The following PTPRD variants were observed in gnomAD, a reference collection of about 807,000 sequenced individuals.
The protein encoded by PTPRD is receptor-type tyrosine-protein phosphatase delta.
PTPRD carries 34 observed loss-of-function variants against 214.5 expected under a neutral mutation model. That is an observed-to-expected ratio of 0.16 (90% CI 0.12 to 0.21). The LOEUF is 0.21. PTPRD is among the 10% of genes least tolerant of loss of function. The probability of loss-of-function intolerance (pLI) is 1.00; values close to 1 mark genes in which losing one functional copy is unlikely to be tolerated. For synonymous variants in PTPRD, 1,128 were observed against 845.7 expected (o/e 1.33, Z -5.79); for missense variants, 2,545 against 2,398.7 (o/e 1.06, Z -1.27).
chr9:8,911,011 T>A (rs1341852767), intron 11 of PTPRD, among the ~76,000 whole-genome samples: 4 of 152,328 alleles, frequency 2.6e-5, no homozygotes, highest in African/African-American at 9.6e-5. Flanking sequence ...ATTAAAATGG[T>A]CATTCTCGTT....
chr9:8,705,138 G>A lies in PTPRD; in HGVS notation c.64+28642C>T, dbSNP rs138393935. On this transcript the variant is annotated intron_variant, in intron 12 of 45. Transcript: ENST00000381196. ...AGTGTTGACCACTCCCTGACCCAAG[G>A]ATTTTCAAATTTGTGTAATTCTCAC... Among the ~76,000 whole-genome samples, 6 of 152,174 alleles carry A rather than the reference G, an allele frequency of 3.9e-5. No homozygotes were observed. The East Asian group carries it at 1.2e-3, about 29-fold the overall frequency.
chr9:10,095,244 G>C lies in PTPRD; in HGVS notation c.-544-61454C>G, dbSNP rs559714370. On this transcript the variant is annotated intron_variant, in intron 3 of 45. Coordinates refer to ENST00000381196, the MANE Select transcript of PTPRD (RefSeq NM_002839.4). ...TCTTTCTTTTTTCAATGCTAAATCT[G>C]AAAAACACAGTTAAATATAAATAAG... 1.1e-4 allele frequency among the ~76,000 whole-genome samples: 17 copies of C among 151,300 alleles called. No individual in the cohort carries two copies. The South Asian group carries it at 3.5e-3, about 32-fold the overall frequency.
chr9:10,125,599 C>T (rs1040262589), intron 3 of PTPRD, among the ~76,000 whole-genome samples: 1 of 149,616 alleles, frequency 6.7e-6, no homozygotes, highest in Non-Finnish European at 1.5e-5. Context: ...GGATTACAGG[C>T]GTGCGCTACC....
chr9:10,364,443 C>T (rs1323662763), intron 2 of PTPRD, among the ~76,000 whole-genome samples: 1 of 152,146 alleles, frequency 6.6e-6, no homozygotes, highest in Non-Finnish European at 1.5e-5. Flanking sequence ...CACCACTATA[C>T]AATCTATGCA....
At chr9:9,497,904 C>T (rs2096260304) in intron 8 of PTPRD, among the ~76,000 whole-genome samples, 1 of 152,084 alleles carries the variant, frequency 6.6e-6, no homozygotes, top group Non-Finnish European at 1.5e-5. Context: ...CATATCAGGG[C>T]CTCAGTTTTC....
intron 9 of PTPRD, among the ~76,000 whole-genome samples, chr9:9,303,167 G>C (rs575618902): frequency 1.3e-5 from 2 of 151,802 alleles, no homozygotes; most frequent in Admixed American, 6.6e-5. Context: ...CAACATATTC[G>C]CAATGCAAAC....
chr9:9,500,515 G>A (rs1289364401), intron 8 of PTPRD, among the ~76,000 whole-genome samples: 1 of 152,064 alleles, frequency 6.6e-6, no homozygotes, highest in African/African-American at 2.4e-5. Flanking sequence ...ACTGGATTTG[G>A]TTGGATAGGG....
intron 2 of PTPRD, among the ~76,000 whole-genome samples, chr9:10,475,100 C>G (rs952359979): frequency 2.6e-5 from 4 of 152,024 alleles, no homozygotes; most frequent in Admixed American, 6.6e-5. Flanking sequence ...CAAACCAATT[C>G]AAAAGCTAGC....
chr9:10,422,557 C>T (rs576932745), intron 2 of PTPRD, among the ~76,000 whole-genome samples: 3 of 151,944 alleles, frequency 2.0e-5, no homozygotes, highest in African/African-American at 7.2e-5. Context: ...GCAATCTACC[C>T]ATCTGACAAA....
At chr9:9,649,246 G>A (rs1178203558) in intron 7 of PTPRD, among the ~76,000 whole-genome samples, 1 of 152,150 alleles carries the variant, frequency 6.6e-6, no homozygotes, top group Non-Finnish European at 1.5e-5. Context: ...TTCCAAGATG[G>A]TGTATTCCCA....
At chr9:8,463,800 T>C (rs930342931) in intron 32 of PTPRD, among the ~76,000 whole-genome samples, 1 of 151,868 alleles carries the variant, frequency 6.6e-6, no homozygotes. Flanking sequence ...TATTTTCTCT[T>C]TGCAAATTAC....
chr9:9,974,159 G>A (rs888143285), intron 4 of PTPRD, among the ~76,000 whole-genome samples: 1 of 152,144 alleles, frequency 6.6e-6, no homozygotes, highest in African/African-American at 2.4e-5. Context: ...TCTATTCTAT[G>A]TATCAGAGAT....
At chr9:9,746,434 A>C (rs535444193) in intron 6 of PTPRD, among the ~76,000 whole-genome samples, 56 of 152,322 alleles carry the variant, frequency 3.7e-4, no homozygotes, top group Non-Finnish European at 7.6e-4. Flanking sequence ...TAGAGTAATT[A>C]GCACAATGAG....
chr9:10,500,361 C>G (rs1179672529), intron 2 of PTPRD, among the ~76,000 whole-genome samples: 4 of 151,752 alleles, frequency 2.6e-5, no homozygotes, highest in African/African-American at 9.7e-5. Context: ...AAAATGCATA[C>G]AGATTTGAAG....
chr9:10,524,277 G>A (rs2053538302), intron 2 of PTPRD, among the ~76,000 whole-genome samples: 1 of 152,056 alleles, frequency 6.6e-6, no homozygotes, highest in South Asian at 2.1e-4. Flanking sequence ...CTACCTGCAA[G>A]ATTTACATTT....
chr9:9,839,985 C>T (rs926170052), intron 5 of PTPRD, among the ~76,000 whole-genome samples: 1 of 151,872 alleles, frequency 6.6e-6, no homozygotes, highest in Non-Finnish European at 1.5e-5. Context: ...GTCATACATC[C>T]AAATACTAAC....
At chr9:9,849,471 C>A (rs1293110475) in intron 5 of PTPRD, among the ~76,000 whole-genome samples, 1 of 152,026 alleles carries the variant, frequency 6.6e-6, no homozygotes, top group Non-Finnish European at 1.5e-5. Context: ...CAAGATATTA[C>A]TATATTCTTA....
chr9:9,128,304 C>T (rs189436058), intron 10 of PTPRD, among the ~76,000 whole-genome samples: 305 of 152,170 alleles, frequency 2.0e-3, no homozygotes, highest in African/African-American at 7.0e-3. Flanking sequence ...TTTAACCTTC[C>T]GAACTCATAC....
chr9:10,586,979 G>A (rs1469990140), intron 2 of PTPRD, among the ~76,000 whole-genome samples: 1 of 151,808 alleles, frequency 6.6e-6, no homozygotes, highest in East Asian at 1.9e-4. Context: ...AAGGGTAGAT[G>A]GTGAAGACAG....
Sources: gnomAD v4.1 joint callset for allele counts (sites outside exome capture counted in the v4.1 genomes callset) on GRCh38, gnomAD v4.1.1 for gene constraint, MANE v1.5 for transcripts, NCBI Gene and HGNC (gene_info 2026-07-23, HGNC 2026-07-21) for gene names.